RSPH14: variants seen among roughly 807,000 people sequenced by gnomAD.
RSPH14 encodes the protein rhabdoid tumor deletion region gene 1.
A neutral mutation model predicts 26.7 loss-of-function variants in RSPH14; 20 were observed. The observed-to-expected ratio is 0.75, with a 90% confidence interval of 0.53 to 1.09. The LOEUF is 1.09. RSPH14 is among the 50% of genes least tolerant of loss of function. The pLI is 0.00. For missense variants in RSPH14, 449 were observed against 457.2 expected (o/e 0.98, Z 0.16); for synonymous variants, 177 against 189.3 (o/e 0.93, Z 0.53).
the RSPH14 span, among the ~76,000 whole-genome samples, chr22:23,174,171 T>G: frequency 2.0e-5 from 3 of 152,032 alleles, no homozygotes; most frequent in Non-Finnish European, 1.5e-5. Flanking sequence ...TGCTGGAACT[T>G]TTGCTTGGGG....
intron 4 of RSPH14, chr22:23,095,953 G>T (rs569665480): frequency 1.2e-6 from 2 of 1,612,258 alleles, no homozygotes; most frequent in Non-Finnish European, 8.5e-7. Context: ...GCATCATCCG[G>T]GCCCTGGCCG....
chr22:23,141,261 G>A (rs562861148), intron 1 of RSPH14, among the ~76,000 whole-genome samples: 11 of 151,214 alleles, frequency 7.3e-5, no homozygotes, highest in East Asian at 3.9e-4. Flanking sequence ...TCAGGGAGGC[G>A]GAGGTTCCAG....
chr22:23,120,076 G>A (rs947233640), intron 4 of RSPH14, among the ~76,000 whole-genome samples: 5 of 152,190 alleles, frequency 3.3e-5, no homozygotes, highest in African/African-American at 7.2e-5. Flanking sequence ...CCGCAGTGGC[G>A]GAATCCTGAT....
chr22:23,150,273 C>T, the RSPH14 span: 8 of 743,554 alleles, frequency 1.1e-5, no homozygotes, highest in Non-Finnish European at 1.8e-5. Context: ...CTGTACAGGC[C>T]TGAAGATGAC....
At chr22:23,116,327 G>C (rs2069835287) in intron 4 of RSPH14, among the ~76,000 whole-genome samples, 1 of 152,258 alleles carries the variant, frequency 6.6e-6, no homozygotes, top group African/African-American at 2.4e-5. Flanking sequence ...GTCATGAAGG[G>C]CTGGCCTGTC....
intron 4 of RSPH14, among the ~76,000 whole-genome samples, chr22:23,079,876 C>T (rs944383554): frequency 4.6e-5 from 7 of 152,190 alleles, no homozygotes; most frequent in Non-Finnish European, 7.3e-5. Flanking sequence ...GTGGACACCA[C>T]TCATGCCCCT....
At chr22:23,111,153 C>T (rs577894688) in intron 4 of RSPH14, among the ~76,000 whole-genome samples, 174 of 152,318 alleles carry the variant, frequency 1.1e-3, no homozygotes, top group African/African-American at 4.0e-3. Flanking sequence ...TGAGCCTCTG[C>T]CGGGGAGTGG....
the RSPH14 span, among the ~76,000 whole-genome samples, chr22:23,170,589 C>T: frequency 6.6e-6 from 1 of 151,816 alleles, no homozygotes; most frequent in East Asian, 1.9e-4. Flanking sequence ...ACAAATTAGC[C>T]GGGCGTGGTG....
At chr22:23,086,996 T>A (rs534614455) in intron 4 of RSPH14, among the ~76,000 whole-genome samples, 1 of 152,324 alleles carries the variant, frequency 6.6e-6, no homozygotes, top group South Asian at 2.1e-4. Context: ...GCGGCTCCGA[T>A]AAGTCGGGCG....
rs1185940746 is a variant in RSPH14, at chr22:23,138,955, A to C, written c.200-13T>G. 1.4e-5 allele frequency: 22 copies of C among 1,531,836 alleles called. No individual in the cohort carries two copies. Among genetic ancestry groups the C allele is most frequent in the Non-Finnish European group, 1.8e-5 (21 of 1,142,102 alleles). The allele number at this position is 1,531,836 out of a possible 1,614,324, so 94.9% of individuals were successfully genotyped here. On this transcript the variant is annotated splice_polypyrimidine_tract_variant and intron_variant, in intron 2 of 6. Coordinates refer to ENST00000216036, the MANE Select transcript of RSPH14 (RefSeq NM_014433.3). ...TTCTCCATACAGCCTAGAAAAAAAA[A>C]AAAAAACAAACAAACCAACCCTTGA...
the RSPH14 span, chr22:23,158,112 C>T: frequency 1.3e-6 from 2 of 1,595,236 alleles, no homozygotes; most frequent in South Asian, 1.1e-5. Flanking sequence ...GGCTCCCAGA[C>T]CCTGGCCAGT....
chr22:23,095,872 C>A, intron 4 of RSPH14: 1 of 1,613,692 alleles, frequency 6.2e-7, no homozygotes, highest in South Asian at 1.1e-5. Flanking sequence ...TCCACAGCGG[C>A]GGCTTCAACC....
At chr22:23,078,914 G>T (rs543514114) in intron 4 of RSPH14, among the ~76,000 whole-genome samples, 1 of 152,212 alleles carries the variant, frequency 6.6e-6, no homozygotes, top group Admixed American at 6.5e-5. Flanking sequence ...GTGGGCGGGG[G>T]CTGTGCGTCT....
the RSPH14 span, among the ~76,000 whole-genome samples, chr22:23,172,882 G>A: frequency 2.6e-5 from 4 of 151,608 alleles, no homozygotes; most frequent in Admixed American, 6.6e-5. Context: ...CCCAGGAGGC[G>A]GAACTTGCAG....
chr22:23,097,107 T>G (rs1375704914), intron 4 of RSPH14, among the ~76,000 whole-genome samples: 2 of 152,234 alleles, frequency 1.3e-5, no homozygotes, highest in East Asian at 1.9e-4. Flanking sequence ...GGGGCTGTCT[T>G]GCCCAGCAGG....
At chr22:23,150,302 TTC>T in the RSPH14 span, 41 of 631,150 alleles carry the variant, frequency 6.5e-5, no homozygotes, top group East Asian at 8.7e-5. Context: ...TCTTTTTTTT[TTC>T]TTTTTTTTTT....
chr22:23,069,960 C>A (rs540682148), intron 4 of RSPH14, among the ~76,000 whole-genome samples: 1 of 152,262 alleles, frequency 6.6e-6, no homozygotes, highest in Admixed American at 6.5e-5. Context: ...AGAAGGCGAG[C>A]CGGGACTGGC....
upstream of RSPH14, chr22:23,146,673 C>T (rs749189747): frequency 5.6e-6 from 9 of 1,614,034 alleles, no homozygotes; most frequent in East Asian, 1.8e-4. Context: ...GTGTCATCGC[C>T]AGCTTCCCTA....
At chr22:23,112,571 C>T (rs1448670133) in intron 4 of RSPH14, among the ~76,000 whole-genome samples, 1 of 152,164 alleles carries the variant, frequency 6.6e-6, no homozygotes, top group Non-Finnish European at 1.5e-5. Flanking sequence ...GGCTGAGCTC[C>T]TGGTGGAGTC....
Sources: gnomAD v4.1 joint callset for allele counts (sites outside exome capture counted in the v4.1 genomes callset) on GRCh38, gnomAD v4.1.1 for gene constraint, MANE v1.5 for transcripts, NCBI Gene and HGNC (gene_info 2026-07-23, HGNC 2026-07-21) for gene names.